The following CHRM3 variants were observed in gnomAD, a reference collection of about 807,000 sequenced individuals.
CHRM3 encodes the protein cholinergic receptor muscarinic 3, also known as muscarinic acetylcholine receptor M3.
Under a neutral mutation model 41.8 loss-of-function variants are expected in CHRM3, and 11 were observed. The observed-to-expected ratio is 0.26, with a 90% confidence interval of 0.17 to 0.44. The LOEUF is 0.44. CHRM3 is among the 20% of genes least tolerant of loss of function. The pLI, the probability that CHRM3 is intolerant of heterozygous loss-of-function variation, is 1.00. For synonymous variants in CHRM3, 297 were observed against 301.4 expected (o/e 0.99, Z 0.15); for missense variants, 571 against 745.4 (o/e 0.77, Z 2.72).
intron 3 of CHRM3, chr1:239,629,475 G>T (rs1232800337): frequency 6.5e-6 from 1 of 154,304 alleles, no homozygotes; most frequent in Admixed American, 6.5e-5. Flanking sequence ...CGTCGCTCAC[G>T]CTGGGAGCTG....
At chr1:239,766,171 A>C (rs2148687905) in intron 5 of CHRM3, among the ~76,000 whole-genome samples, 1 of 152,310 alleles carries the variant, frequency 6.6e-6, no homozygotes, top group African/African-American at 2.4e-5. Context: ...ATAAGAAAGA[A>C]GAAATGGCAT....
rs1662881532 is a variant in CHRM3 at position 239,432,110 on chromosome 1, G to GT, written c.-521+44884dup. On this transcript the variant is annotated intron_variant, in intron 1 of 6. Coordinates refer to ENST00000676153, the MANE Select transcript of CHRM3 (RefSeq NM_001375978.1). ...ACGCCAAAATGGTTTGTAGATAGGA[G>GT]TATGTCAGTGTTTAAGATGGTTTGT... is the stretch of plus-strand genomic sequence containing the variant. Among the ~76,000 whole-genome samples, 5 of 152,268 alleles carry GT rather than the reference G, an allele frequency of 3.3e-5. No homozygotes were observed. The South Asian group carries it at 1.0e-3, about 32-fold the overall frequency.
rs1358621893 is a variant in CHRM3, at chr1:239,599,432, T to G, written c.-312-32792T>G. ...CTACTAAATCCTCTGTTTACTGTTT[T>G]TTTTTTTTTTTTCTGACACTGTATT... On this transcript the variant is annotated intron_variant, in intron 3 of 6. Transcript: ENST00000676153. Among the ~76,000 whole-genome samples, 50 of 149,992 alleles carry G rather than the reference T, an allele frequency of 3.3e-4. 1 individual carries two copies. Among genetic ancestry groups the G allele is most frequent in the Non-Finnish European group, 8.9e-5 (6 of 67,568 alleles).
intron 1 of CHRM3, among the ~76,000 whole-genome samples, chr1:239,425,492 G>A (rs1662296798): frequency 1.3e-5 from 2 of 151,742 alleles, no homozygotes; most frequent in South Asian, 4.2e-4. Flanking sequence ...TTATGCATAA[G>A]CAGCCTTCAC....
chr1:239,894,660 T>C (rs2163546), intron 6 of CHRM3, among the ~76,000 whole-genome samples: 66,050 of 151,744 alleles, frequency 0.44, 15,451 homozygotes, highest in Admixed American at 0.53. Flanking sequence ...CTCGAACTCA[T>C]GCGCTCAAGT....
chr1:239,508,139 C>T (rs1558275990), intron 2 of CHRM3, among the ~76,000 whole-genome samples: 1 of 151,776 alleles, frequency 6.6e-6, no homozygotes, highest in Non-Finnish European at 1.5e-5. Flanking sequence ...ATTAATTTCC[C>T]AAAGAAAACA....
At chr1:239,901,354 G>A (rs866535127) in intron 6 of CHRM3, among the ~76,000 whole-genome samples, 36 of 150,608 alleles carry the variant, frequency 2.4e-4, no homozygotes, top group African/African-American at 6.8e-4. Context: ...TTCCTCATTC[G>A]GGACATTACA....
intron 6 of CHRM3, among the ~76,000 whole-genome samples, chr1:239,847,260 C>T (rs10925992): frequency 0.031 from 4,755 of 152,268 alleles, 256 homozygotes; most frequent in African/African-American, 0.11. Flanking sequence ...GGAAATGCTA[C>T]CTTTCCACTA....
chr1:239,746,257 T>A (rs1402326411), intron 5 of CHRM3, among the ~76,000 whole-genome samples: 1 of 152,242 alleles, frequency 6.6e-6, no homozygotes, highest in African/African-American at 2.4e-5. Flanking sequence ...GAGTTAATTC[T>A]TGGTGTTAAT....
At chr1:239,415,268 C>T (rs556036409) in intron 1 of CHRM3, among the ~76,000 whole-genome samples, 22 of 152,100 alleles carry the variant, frequency 1.4e-4, no homozygotes, top group Non-Finnish European at 2.2e-4. Flanking sequence ...GGTGAAACTC[C>T]GTCTCTACTA....
In CHRM3 at chr1:239,911,936, G is replaced by A. The variant is rs1419004000; in HGVS notation, c.*2712G>A. On this transcript the variant is annotated 3_prime_UTR_variant, in exon 7 of 7. Transcript: ENST00000676153. ...ATTTATAATTGGACCTTAGTTACAC[G>A]TGCATTTCTCAAAGGGCTTGTCATT... 6.0e-6 allele frequency: 1 copy of A among 166,986 alleles called. No individual in the cohort carries two copies. The highest frequency in any genetic ancestry group is 1.5e-5 in the Non-Finnish European group (1 of 68,122). The allele number at this position is 166,986 out of a possible 1,614,324, so 10.3% of individuals were successfully genotyped here.
At chr1:239,751,190 A>G (rs1333755832) in intron 5 of CHRM3, among the ~76,000 whole-genome samples, 2 of 151,390 alleles carry the variant, frequency 1.3e-5, no homozygotes, top group East Asian at 3.9e-4. Context: ...GTGAGCCGAC[A>G]TCGCGCCACT....
intron 1 of CHRM3, among the ~76,000 whole-genome samples, chr1:239,424,981 A>C (rs1041470109): frequency 6.6e-6 from 1 of 152,180 alleles, no homozygotes; most frequent in Non-Finnish European, 1.5e-5. Flanking sequence ...TGGGTAATGC[A>C]TGGGGGCACA....
intron 5 of CHRM3, among the ~76,000 whole-genome samples, chr1:239,708,038 G>T (rs764301757): frequency 2.0e-5 from 3 of 152,188 alleles, no homozygotes; most frequent in Non-Finnish European, 2.9e-5. Flanking sequence ...CTCCTCATAG[G>T]CAGGAAATGG....
chr1:239,806,869 C>A (rs1014443550), intron 5 of CHRM3, among the ~76,000 whole-genome samples: 1 of 152,104 alleles, frequency 6.6e-6, no homozygotes, highest in Non-Finnish European at 1.5e-5. Flanking sequence ...CCTTTCAAGG[C>A]GTAAAATTAA....
At chr1:239,628,879 G>T (rs1418437022) in intron 3 of CHRM3, among the ~76,000 whole-genome samples, 1 of 74,874 alleles carries the variant, frequency 1.3e-5, no homozygotes, top group Non-Finnish European at 2.6e-5. Context: ...CCAGCTGTGT[G>T]CTGGGAGAAC....
chr1:239,863,075 T>C (rs1375082843), intron 6 of CHRM3, among the ~76,000 whole-genome samples: 1 of 152,154 alleles, frequency 6.6e-6, no homozygotes, highest in Non-Finnish European at 1.5e-5. Flanking sequence ...CTAGTCTAGT[T>C]GTGAGCAGCA....
chr1:239,388,262 A>T (rs902508784), intron 1 of CHRM3, among the ~76,000 whole-genome samples: 1 of 152,204 alleles, frequency 6.6e-6, no homozygotes, highest in East Asian at 1.9e-4. Context: ...GCAATGTGAA[A>T]GGGCGGCCCT....
intron 2 of CHRM3, among the ~76,000 whole-genome samples, chr1:239,525,711 T>C (rs1311807133): frequency 1.3e-5 from 2 of 152,234 alleles, no homozygotes; most frequent in Admixed American, 1.3e-4. Context: ...AAAATAGATT[T>C]AATTTGCAAC....
Sources: gnomAD v4.1 joint callset for allele counts (sites outside exome capture counted in the v4.1 genomes callset) on GRCh38, gnomAD v4.1.1 for gene constraint, MANE v1.5 for transcripts, NCBI Gene and HGNC (gene_info 2026-07-23, HGNC 2026-07-21) for gene names.